RAB11FIP3: variants seen among roughly 807,000 people sequenced by gnomAD.
The protein encoded by RAB11FIP3 is RAB11 family interacting protein 3, also known as rab11 family-interacting protein 3.
RAB11FIP3 carries 17 observed loss-of-function variants against 77.8 expected under a neutral mutation model. That is an observed-to-expected ratio of 0.22 (90% CI 0.15 to 0.33). The LOEUF is 0.33. Ranked by LOEUF, RAB11FIP3 falls within the 10% of genes least tolerant of loss-of-function variation. The probability of loss-of-function intolerance (pLI) is 1.00; values close to 1 mark genes in which losing one functional copy is unlikely to be tolerated. For synonymous variants in RAB11FIP3, 437 were observed against 448.2 expected, an observed-to-expected ratio of 0.98 and a Z score of 0.31; for missense variants, 1,005 against 1,011.2, an observed-to-expected ratio of 0.99 and a Z score of 0.08.
intron 1 of RAB11FIP3, chr16:453,267 G>A (rs1336810124): frequency 2.0e-5 from 3 of 151,368 alleles, no homozygotes; most frequent in Non-Finnish European, 4.4e-5. Flanking sequence ...GTAGAGACAG[G>A]GTTTCTCCGT....
At chr16:432,456 C>G (rs2055052827) in intron 1 of RAB11FIP3, among the ~76,000 whole-genome samples, 1 of 151,902 alleles carries the variant, frequency 6.6e-6, no homozygotes, top group Admixed American at 6.6e-5. Flanking sequence ...TTGTAATCCC[C>G]CCATCCATTA....
At chr16:449,471 G>A (rs546168189) in intron 1 of RAB11FIP3, among the ~76,000 whole-genome samples, 1 of 151,970 alleles carries the variant, frequency 6.6e-6, no homozygotes, top group Non-Finnish European at 1.5e-5. Flanking sequence ...AGGCTGCTAC[G>A]ATGGAGTCTT....
chr16:508,233 G>A (rs1596294953), intron 8 of RAB11FIP3, among the ~76,000 whole-genome samples: 1 of 152,218 alleles, frequency 6.6e-6, no homozygotes, highest in African/African-American at 2.4e-5. Flanking sequence ...CTGACCCGGT[G>A]CTGTGACTGA....
chr16:482,410 G>C (rs749698528), intron 3 of RAB11FIP3, 115 bp from the exon 4 acceptor site: 2 of 976,880 alleles, frequency 2.0e-6, no homozygotes, highest in Middle Eastern at 2.1e-4. Flanking sequence ...GACTTCAGGC[G>C]TCAGACCCCT....
At chr16:443,644 C>G (rs2055262349) in intron 1 of RAB11FIP3, among the ~76,000 whole-genome samples, 1 of 152,310 alleles carries the variant, frequency 6.6e-6, no homozygotes, top group East Asian at 1.9e-4. Flanking sequence ...TGGCTCACTG[C>G]AACCTCTGCC....
intron 3 of RAB11FIP3, among the ~76,000 whole-genome samples, chr16:479,304 A>C (rs2055985470): frequency 6.6e-6 from 1 of 152,022 alleles, no homozygotes; most frequent in African/African-American, 2.4e-5. Flanking sequence ...AGGTAGGAGG[A>C]TTGCTTGAGC....
At position 426,031 on chromosome 16, in the gene RAB11FIP3, C is replaced by A. The variant is rs539280195; in HGVS notation, c.25C>A (p.Pro9Thr). 7.0e-6 allele frequency: 7 copies of A among 994,242 alleles called. No homozygotes were observed. The East Asian group carries it at 7.6e-4, about 108-fold the overall frequency. 61.6% of individuals were successfully genotyped at this position (994,242 alleles called of 1,614,324 possible). A position where few individuals can be genotyped will look rare whatever the true frequency, so the allele number is the denominator to read the frequency against. The change falls in exon 1 of 14, where the codon CCC becomes ACC. Residue 9 changes from proline (P) to threonine (T), a missense_variant. Pro to Thr is a conservative substitution (Grantham distance 38). Coordinates refer to ENST00000262305, the MANE Select transcript of RAB11FIP3 (RefSeq NM_014700.4). This position sits in a 1 kb window ranked among gnomAD's most constrained non-coding sequence, Gnocchi z 5.0. ...CATGGCGTCGGCCCCGCCGGCCTCG[C>A]CCCCGGGCTCGGAGCCGCCGGGGCC... MASAPPAS[P>T]PGSEPPGPDP...
chr16:484,710 C>T (rs531824652), intron 4 of RAB11FIP3, among the ~76,000 whole-genome samples: 29 of 152,264 alleles, frequency 1.9e-4, no homozygotes, highest in Middle Eastern at 3.4e-3. Context: ...GATTCTATTG[C>T]GAGAGCGTGC....
chr16:434,657 A>G (rs1238371399), intron 1 of RAB11FIP3, among the ~76,000 whole-genome samples: 1 of 151,828 alleles, frequency 6.6e-6, no homozygotes, highest in African/African-American at 2.4e-5. Context: ...GGCTCAAGTG[A>G]TCTTCCCACC....
chr16:491,238 C>T (rs1404111896), intron 5 of RAB11FIP3: 3 of 1,304,766 alleles, frequency 2.3e-6, no homozygotes, highest in African/African-American at 1.5e-5. Context: ...GAGGATCTTT[C>T]TGCCCGCCTG....
chr16:481,812 T>C (rs2056047537), intron 3 of RAB11FIP3, among the ~76,000 whole-genome samples: 1 of 51,596 alleles, frequency 1.9e-5, no homozygotes, highest in African/African-American at 6.4e-5. Context: ...GTCTCTTGAG[T>C]AGCTGGGACC....
At chr16:455,007 A>C (rs1325766991) in intron 1 of RAB11FIP3, among the ~76,000 whole-genome samples, 1 of 149,128 alleles carries the variant, frequency 6.7e-6, no homozygotes, top group Non-Finnish European at 1.5e-5. Context: ...CCGAGATTGC[A>C]CTACTGCACT....
At position 521,101 on chromosome 16, in the gene RAB11FIP3, C is replaced by G. The variant is rs1024357308; in HGVS notation, c.*262C>G. The G allele has an allele frequency of 1.5e-5, 8 of 545,414 alleles. No individual in the cohort carries two copies. The African/African-American group carries it at 1.5e-4, about 10-fold the overall frequency. 33.8% of individuals were successfully genotyped at this position (545,414 alleles called of 1,614,324 possible). ...GGGTTGTGGCAGGGCCGTCCATCAG[C>G]GCTGACCTTCCGGGGGCCCAGAGCT... On this transcript the variant is annotated 3_prime_UTR_variant, in exon 14 of 14. Coordinates refer to ENST00000262305, the MANE Select transcript of RAB11FIP3 (RefSeq NM_014700.4).
chr16:500,687 C>CAA (rs56771770), intron 6 of RAB11FIP3, among the ~76,000 whole-genome samples: 370 of 22,196 alleles, frequency 0.017, 22 homozygotes, highest in Middle Eastern at 0.05. Flanking sequence ...GACTCTGTCG[C>CAA]AAAAAAAAAA....
At chr16:437,718 C>A (rs145820370) in intron 1 of RAB11FIP3, among the ~76,000 whole-genome samples, 1 of 152,074 alleles carries the variant, frequency 6.6e-6, no homozygotes, top group Admixed American at 6.6e-5. Context: ...CAGCCACGAG[C>A]GCGCAAGACT....
chr16:436,010 A>G (rs529356463), intron 1 of RAB11FIP3, among the ~76,000 whole-genome samples: 4 of 152,276 alleles, frequency 2.6e-5, no homozygotes, highest in Admixed American at 1.3e-4. Flanking sequence ...GGAGAAGGAA[A>G]AAAAGAGATG....
rs1298410134 is a variant in RAB11FIP3, at chr16:496,839, C to T, written c.1281C>T (p.Leu427=). The stretch of plus-strand genomic sequence containing the variant: ...TTCTGCACAGTCCGACAAAGCGGCT[C>T]TCCAGCAAGAAGGTGGCAAGGTAGG... ...AFLTPSPTKR[L]SSKKVARYLH... The change falls in exon 6 of 14, where the codon CTC becomes CTT. Residue 427 remains leucine, a synonymous_variant. Coordinates refer to ENST00000262305, the MANE Select transcript of RAB11FIP3 (RefSeq NM_014700.4). The T allele has an allele frequency of 3.1e-6, 5 of 1,597,394 alleles. No homozygotes were observed. In the African/African-American group the frequency reaches 4.0e-5, roughly 13 times the overall value.
chr16:520,290 G>C lies in RAB11FIP3; in HGVS notation c.2016+13G>C. On this transcript the variant is annotated intron_variant, in intron 12 of 13. Transcript: ENST00000262305. Reference sequence around the variant, plus strand: ...CAGGCTGAAGCAGGTGGGCAGGCCTGGGCCTCCCTCCCTCACACTCCTGCA... The same window carrying C: ...CAGGCTGAAGCAGGTGGGCAGGCCTCGGCCTCCCTCCCTCACACTCCTGCA... 1 of 1,545,986 alleles carries C rather than the reference G, an allele frequency of 6.5e-7. No homozygotes were observed. The highest frequency in any genetic ancestry group is 8.7e-7 in the Non-Finnish European group (1 of 1,147,582).
rs1047444817 is a variant in RAB11FIP3, at chr16:458,671, G to A, written c.715-2733G>A. Among the ~76,000 whole-genome samples, 21 of 152,096 alleles carry A rather than the reference G, an allele frequency of 1.4e-4. 1 individual carries two copies. The highest frequency in any genetic ancestry group is 2.9e-5 in the Non-Finnish European group (2 of 67,980). On this transcript the variant is annotated intron_variant, in intron 1 of 13. Coordinates refer to ENST00000262305, the MANE Select transcript of RAB11FIP3 (RefSeq NM_014700.4). ...AGGGTTTTGTCAGTTAATGGATGTG[G>A]CTACAGCCAGGGCTCCTGCCAGCCT...
Sources: allele counts gnomAD v4.1 joint callset (sites outside exome capture counted in the v4.1 genomes callset), GRCh38; gene constraint gnomAD v4.1.1; non-coding constraint Gnocchi (gnomAD v3.1); transcripts MANE v1.5; gene names NCBI Gene and HGNC (gene_info 2026-07-23, HGNC 2026-07-21).